SFTPD: variants seen among roughly 807,000 people sequenced by gnomAD.
SFTPD encodes the protein surfactant protein D, also known as pulmonary surfactant-associated protein D.
A neutral mutation model predicts 34.6 loss-of-function variants in SFTPD; 18 were observed. The observed-to-expected ratio is 0.52, with a 90% CI of 0.36 to 0.77. SFTPD has a LOEUF of 0.77. SFTPD is among the 30% of genes least tolerant of loss of function. SFTPD has a pLI of 0.00. For missense variants in SFTPD, 433 were observed against 468.9 expected, an observed-to-expected ratio of 0.92 and a Z score of 0.71; for synonymous variants, 155 against 180.9, an observed-to-expected ratio of 0.86 and a Z score of 1.15.
intron 1 of SFTPD, among the ~76,000 whole-genome samples, chr10:79,958,039 C>T (rs1316090085): frequency 6.6e-6 from 1 of 152,152 alleles, no homozygotes; most frequent in Non-Finnish European, 1.5e-5. Context: ...AATTTCATAT[C>T]CAGTCAAACT....
intron 1 of SFTPD, among the ~76,000 whole-genome samples, chr10:79,974,742 T>C (rs1468517387): frequency 6.6e-6 from 1 of 152,170 alleles, no homozygotes; most frequent in Non-Finnish European, 1.5e-5. Context: ...TGCCTACAGC[T>C]AATGTTGAAA....
chr10:79,978,274 T>C (rs1312809770), intron 1 of SFTPD, among the ~76,000 whole-genome samples: 1 of 152,222 alleles, frequency 6.6e-6, no homozygotes, highest in Non-Finnish European at 1.5e-5. Flanking sequence ...GAAATATCCA[T>C]GTGATCATCT....
chr10:79,970,050 G>A (rs1333694936), intron 1 of SFTPD: 2 of 152,154 alleles, frequency 1.3e-5, no homozygotes, highest in Non-Finnish European at 1.5e-5. Flanking sequence ...GTTGATTTTA[G>A]TGTATGGTAT....
At chr10:79,974,334 A>AT (rs540437287) in intron 1 of SFTPD, among the ~76,000 whole-genome samples, 48 of 150,614 alleles carry the variant, frequency 3.2e-4, no homozygotes, top group Middle Eastern at 3.5e-3. Flanking sequence ...CGCCCAGCTA[A>AT]TTTTTTTTTG....
chr10:79,949,791 G>C (rs965954488), upstream of SFTPD, among the ~76,000 whole-genome samples: 1 of 151,776 alleles, frequency 6.6e-6, no homozygotes, highest in African/African-American at 2.4e-5. Context: ...CTTGTGCACT[G>C]TTCTTGTAAC....
chr10:79,960,442 CAA>C (rs1842765484), intron 1 of SFTPD, among the ~76,000 whole-genome samples: 1 of 149,988 alleles, frequency 6.7e-6, no homozygotes, highest in Non-Finnish European at 1.5e-5. Context: ...GCAACTTCAG[CAA>C]AGTCTCAGGA....
chr10:79,957,351 C>T (rs530428738), intron 1 of SFTPD, among the ~76,000 whole-genome samples: 17 of 152,154 alleles, frequency 1.1e-4, no homozygotes, highest in African/African-American at 2.9e-4. Flanking sequence ...TCAAACTATT[C>T]GGAGCTACAG....
chr10:79,971,541 ATTGGT>A (rs1842835073), intron 1 of SFTPD: 1 of 151,862 alleles, frequency 6.6e-6, no homozygotes, highest in East Asian at 1.9e-4. Context: ...GTAGCTCGTA[ATTGGT>A]CTGTCCAGAT....
At chr10:79,941,340 C>A in intron 6 of SFTPD, 58 bp downstream of exon 6, 1 of 1,464,492 alleles carries the variant, frequency 6.8e-7, no homozygotes, top group Non-Finnish European at 9.5e-7. Context: ...AGGAGGGCTT[C>A]CTCTCTGCCC....
intron 1 of SFTPD, among the ~76,000 whole-genome samples, chr10:79,957,646 T>G (rs1196267137): frequency 6.6e-6 from 1 of 152,168 alleles, no homozygotes; most frequent in Non-Finnish European, 1.5e-5. Flanking sequence ...AATATGGGAC[T>G]ATGTGAAAAG....
chr10:79,958,920 A>C (rs202041777), intron 1 of SFTPD, among the ~76,000 whole-genome samples: 22,207 of 152,062 alleles, frequency 0.15, 2,041 homozygotes, highest in East Asian at 0.41. Flanking sequence ...CAAATGTAAA[A>C]GAACAGAAAT....
chr10:79,937,966 G>GGA lies in SFTPD; in HGVS notation c.1013_1014insTC (p.Gly340GlnfsTer58), dbSNP rs780501801. On this transcript the variant is annotated frameshift_variant, in exon 8 of 8. Transcript: ENST00000372292. LOFTEE classifies it high-confidence loss of function. ...CGCCATCATCGTTGGGCTCCCCTGG[G>GGA]GCCCAGTTGGAATAGACCAGGGACT... is the stretch of plus-strand genomic sequence containing the variant. 1.7e-5 allele frequency: 27 copies of GGA among 1,613,366 alleles called. No individual in the cohort carries two copies. In the Admixed American group the frequency reaches 4.5e-4, roughly 27 times the overall value.
chr10:79,978,814 T>G (rs1313063152), intron 1 of SFTPD, among the ~76,000 whole-genome samples: 2 of 152,086 alleles, frequency 1.3e-5, no homozygotes, highest in African/African-American at 4.8e-5. Context: ...CTCTTGTTAC[T>G]TCTATTTATC....
intron 1 of SFTPD, among the ~76,000 whole-genome samples, chr10:79,955,448 CAAAA>C (rs1842733344): frequency 1.3e-5 from 2 of 152,044 alleles, no homozygotes; most frequent in South Asian, 4.2e-4. Flanking sequence ...TAAAACAAAA[CAAAA>C]CAAACAAACA....
At chr10:79,976,306 G>A (rs540392184) in intron 1 of SFTPD, among the ~76,000 whole-genome samples, 1 of 152,160 alleles carries the variant, frequency 6.6e-6, no homozygotes, top group African/African-American at 2.4e-5. Context: ...TTGTGGTCCT[G>A]GTCAGCCAGC....
chr10:79,942,558 G>A, intron 3 of SFTPD, 54 bp from the exon 4 acceptor site: 1 of 1,217,972 alleles, frequency 8.2e-7, no homozygotes, highest in African/African-American at 1.5e-5. Context: ...GGCAGGAGGA[G>A]TGTGTAGTAA....
At position 79,937,839 on chromosome 10, in the gene SFTPD, C is replaced by A; in HGVS notation, c.*13G>T. 3 of 1,527,988 alleles carry A rather than the reference C, an allele frequency of 2.0e-6. No homozygotes were observed. The highest frequency in any genetic ancestry group is 1.3e-5 in the South Asian group (1 of 77,646). 94.7% of individuals were successfully genotyped at this position (1,527,988 alleles called of 1,614,324 possible). A position where few individuals can be genotyped will look rare whatever the true frequency, so the allele number is the denominator to read the frequency against. ...CTCCTGGGCCAAGCACTGCCCCACC[C>A]ACCCCAGTTGGCTCAGAACTCGCAG... On this transcript the variant is annotated 3_prime_UTR_variant, in exon 8 of 8. Coordinates refer to ENST00000372292, the MANE Select transcript of SFTPD (RefSeq NM_003019.5).
intron 1 of SFTPD, chr10:79,982,271 C>T (rs967164578): frequency 9.9e-5 from 96 of 965,216 alleles, no homozygotes; most frequent in African/African-American, 1.2e-4. Flanking sequence ...CGGGGGCGCT[C>T]GGGCCACCGC....
intron 1 of SFTPD, among the ~76,000 whole-genome samples, chr10:79,962,654 A>G (rs949474439): frequency 4.6e-5 from 7 of 152,202 alleles, no homozygotes; most frequent in South Asian, 4.1e-4. Flanking sequence ...TCACTTGTCT[A>G]TGCTTCTACA....
Sources: gnomAD v4.1 joint callset for allele counts (sites outside exome capture counted in the v4.1 genomes callset) on GRCh38, gnomAD v4.1.1 for gene constraint, MANE v1.5 for transcripts, NCBI Gene and HGNC (gene_info 2026-07-23, HGNC 2026-07-21) for gene names.